Variants in RINL observed in about 807,000 individuals in gnomAD.
RINL encodes the protein ras and Rab interactor-like protein.
RINL carries 39 observed loss-of-function variants against 58.1 expected under a neutral mutation model. The ratio of observed to expected loss-of-function variants is 0.67; its 90% CI spans 0.52 to 0.88. RINL has a LOEUF of 0.88. Among genes scored for constraint, RINL ranks in the 40% least tolerant of loss-of-function variants. The probability of loss-of-function intolerance (pLI) is 0.00; values close to 1 mark genes in which losing one functional copy is unlikely to be tolerated. For synonymous variants in RINL, 286 were observed against 323.1 expected (o/e 0.89, Z 1.23); for missense variants, 711 against 749.2 (o/e 0.95, Z 0.60).
In RINL at chr19:38,868,927, G is replaced by C. The variant is rs1972729806; in HGVS notation, c.*177C>G. ...AAACTGCAAAGCCTCCTGAGTAGCT[G>C]GTACCACAGGAGTACGCCACCACGC... On this transcript the variant is annotated 3_prime_UTR_variant, in exon 12 of 12. Coordinates refer to ENST00000591812, the MANE Select transcript of RINL (RefSeq NM_001195833.2). 1.7e-6 allele frequency: 1 copy of C among 578,730 alleles called. No homozygotes were observed. The highest frequency in any genetic ancestry group is 3.0e-5 in the Admixed American group (1 of 32,814). The allele number at this position is 578,730 out of a possible 1,614,324, so 35.8% of individuals were successfully genotyped here. A position where few individuals can be genotyped will look rare whatever the true frequency, so the allele number is the denominator to read the frequency against.
At chr19:38,871,350 C>T in intron 6 of RINL, 123 bp from the exon 7 acceptor site, 2 of 1,110,768 alleles carry the variant, frequency 1.8e-6, no homozygotes, top group Non-Finnish European at 2.6e-6. Context: ...TAGCTCCTGG[C>T]CCCTCCTCAG....
At position 38,871,212 on chromosome 19, in the gene RINL, C is replaced by T. The variant is rs962923125; in HGVS notation, c.467G>A (p.Gly156Asp). ...RDEHTDPVQI[G>D]RVQQDTPGKV... ...CCCTGGGGTGTCCTGTTGGACCCTG[C>T]CGATCTGCACAGGATCTGGAGCCAG... Residue 156 changes from glycine to aspartate, a missense_variant, in exon 7 of 12, where the codon GGC (glycine) becomes GAC (aspartate). Physicochemically the swap from Gly to Asp is moderately conservative, Grantham distance 94. Transcript: ENST00000591812. 3.1e-6 allele frequency: 5 copies of T among 1,613,856 alleles called. No individual in the cohort carries two copies. Among genetic ancestry groups the T allele is most frequent in the Non-Finnish European group, 4.2e-6 (5 of 1,180,002 alleles).
Position 38,870,173 on chromosome 19 carries a change from G to A in RINL, c.1112C>T (p.Pro371Leu), listed in dbSNP as rs373342358. The change falls in exon 9 of 12, where the codon CCG becomes CTG. Residue 371 changes from proline to leucine, a missense_variant. Transcript: ENST00000591812. The surrounding 1 kb of genome is among the most constrained non-coding windows in gnomAD (Gnocchi z 5.8). ...LWTRLRTLRA[P>L]ELRRLRRRQT... ...TCGCCGCCGCAGCCGCCGCAGCTCC[G>A]GTGCTCGGAGTGTGCGGAGTCGTGT... 4 of 1,405,640 alleles carry A rather than the reference G, an allele frequency of 2.8e-6. No individual in the cohort carries two copies. Among genetic ancestry groups the A allele is most frequent in the African/African-American group, 1.5e-5 (1 of 65,812 alleles). 87.1% of individuals were successfully genotyped at this position (1,405,640 alleles called of 1,614,324 possible).
At chr19:38,873,693 T>G in intron 4 of RINL, 193 bp downstream of exon 4, 1 of 462,486 alleles carries the variant, frequency 2.2e-6, no homozygotes, top group Non-Finnish European at 4.0e-6. Context: ...GCCCGGCTAA[T>G]TTTTGTATTT....
In RINL at chr19:38,876,733, G is replaced by A; in HGVS notation, c.10C>T (p.Pro4Ser). 6.5e-6 allele frequency: 10 copies of A among 1,536,074 alleles called. No homozygotes were observed. The highest frequency in any genetic ancestry group is 7.8e-6 in the Non-Finnish European group (9 of 1,146,862). The change falls in exon 2 of 12, where the codon CCA becomes TCA. Residue 4 changes from proline to serine, a missense_variant. By Grantham distance (74) the Pro-to-Ser change is moderately conservative (BLOSUM62 -1). Transcript: ENST00000591812. ...GGGACTTCAGGTGCCTTGTCTTCTG[G>A]CTGGGCCATCGTCAGGTTGCAGGAA... MAQPEDKAPEVPTE... is the reference protein window; with the variant it reads MAQSEDKAPEVPTE...
intron 3 of RINL, 61 bp downstream of exon 3, chr19:38,876,270 T>C (rs1273460713): frequency 6.8e-7 from 1 of 1,466,794 alleles, no homozygotes; most frequent in Non-Finnish European, 9.1e-7. Flanking sequence ...TGTTTGTCAC[T>C]AGTAACCAGC....
At position 38,870,030 on chromosome 19, in the gene RINL, C is replaced by A. The variant is rs766744570; in HGVS notation, c.1255G>T (p.Ala419Ser). ...RIHERLAHLH[A>S]ACAPRRKVAL... ...ACCTTGCGGCGCGGGGCGCAGGCAG[C>A]GTGGAGGTGCGCAAGGCGCTCGTGG... is the stretch of plus-strand genomic sequence containing the variant. Residue 419 changes from alanine (A) to serine (S), a missense_variant, in exon 9 of 12, where the codon GCT becomes TCT. Physicochemically the swap from Ala to Ser is moderately conservative, Grantham distance 99. Coordinates refer to ENST00000591812, the MANE Select transcript of RINL (RefSeq NM_001195833.2). This position sits in a 1 kb window ranked among gnomAD's most constrained non-coding sequence, Gnocchi z 5.8. 1 of 1,563,524 alleles carries A rather than the reference C, an allele frequency of 6.4e-7. No homozygotes were observed. Among genetic ancestry groups the A allele is most frequent in the Non-Finnish European group, 8.6e-7 (1 of 1,158,240 alleles).
At position 38,876,411 on chromosome 19, in the gene RINL, G is replaced by A; in HGVS notation, c.130C>T (p.Gln44Ter). 1 of 1,536,116 alleles carries A rather than the reference G, an allele frequency of 6.5e-7. No homozygotes were observed. The highest frequency in any genetic ancestry group is 8.7e-7 in the Non-Finnish European group (1 of 1,146,874). ...ACATGCCACACCCCCCATGTCCTCT[G>A]CAGGCGAGTAAGTGGCTCTAGGGTG... ...LSTLEPLTRL[Q>*]RTWGVWHVPE... The change falls in exon 3 of 12, where the codon CAG becomes TAG. Residue 44 changes from glutamine (Q) to a stop codon, truncating the protein, a stop_gained. Coordinates refer to ENST00000591812, the MANE Select transcript of RINL (RefSeq NM_001195833.2). LOFTEE classifies it high-confidence loss of function.
rs61740709 is a variant in RINL at position 38,873,922 on chromosome 19, C to A, written c.277G>T (p.Glu93Ter). ...LVLRSGPLPGEVNTYQIQKIP... is the reference protein window; with the variant it reads ...LVLRSGPLPG ...TTCTGGATCTGGTAGGTATTGACTTCTCCTGGTAAAGGTCCTGACCTCAAC... is the reference window on the plus strand; with the variant it reads ...TTCTGGATCTGGTAGGTATTGACTTATCCTGGTAAAGGTCCTGACCTCAAC... Residue 93 changes from glutamate (E) to a stop codon, truncating the protein, a stop_gained, in exon 4 of 12, where the codon GAA becomes TAA. Coordinates refer to ENST00000591812, the MANE Select transcript of RINL (RefSeq NM_001195833.2). LOFTEE classifies it high-confidence loss of function. The A allele has an allele frequency of 1.3e-6, 2 of 1,535,924 alleles. No individual in the cohort carries two copies. The highest frequency in any genetic ancestry group is 1.7e-6 in the Non-Finnish European group (2 of 1,146,736).
chr19:38,877,290 T>C (rs1600098595), intron 1 of RINL, among the ~76,000 whole-genome samples: 1 of 152,070 alleles, frequency 6.6e-6, no homozygotes, highest in South Asian at 2.1e-4. Context: ...TGTCTTGCGG[T>C]GTGGGGAGAG....
rs1972852142 is a variant in RINL at position 38,873,290 on chromosome 19, G to A, written c.313+596C>T. Reference sequence around the variant, plus strand: ...TGTGTATGGGGCAGAGTGAATGAGGGGCAATAGATAGAGAGACAGGAAGGA... The same window carrying A: ...TGTGTATGGGGCAGAGTGAATGAGGAGCAATAGATAGAGAGACAGGAAGGA... On this transcript the variant is annotated intron_variant, in intron 4 of 11. Coordinates refer to ENST00000591812, the MANE Select transcript of RINL (RefSeq NM_001195833.2). Among the ~76,000 whole-genome samples the A allele has an allele frequency of 2.0e-5, 3 of 152,012 alleles. No individual in the cohort carries two copies. In the South Asian group the frequency reaches 6.2e-4, roughly 32 times the overall value.
intron 4 of RINL, among the ~76,000 whole-genome samples, chr19:38,873,077 GAAAA>G (rs1157866575): frequency 7.9e-5 from 12 of 151,854 alleles, no homozygotes; most frequent in African/African-American, 2.2e-4. Flanking sequence ...AAAGAAAAAA[GAAAA>G]AGAAAGTGAC....
intron 7 of RINL, 26 bp from the exon 8 acceptor site, chr19:38,871,018 G>T (rs8100220): frequency 6.3e-7 from 1 of 1,580,968 alleles, no homozygotes; most frequent in Non-Finnish European, 8.6e-7. Flanking sequence ...GCATTCGGTC[G>T]CCTAGAACAG....
Position 38,869,259 on chromosome 19 carries a change from A to G in RINL, c.1626T>C (p.His542=), listed in dbSNP as rs1972740894. The G allele has an allele frequency of 6.2e-7, 1 of 1,613,894 alleles. No homozygotes were observed. The highest frequency in any genetic ancestry group is 8.5e-7 in the Non-Finnish European group (1 of 1,180,000). Residue 542 remains histidine, a synonymous_variant, in exon 11 of 12, where the codon CAT becomes CAC. Transcript: ENST00000591812. This position sits in a 1 kb window ranked among gnomAD's most constrained non-coding sequence, Gnocchi z 5.7. ...GATGGGCAGTCACCTGGGCTCTGGG[A>G]TGATCCTTTCTGTGCAGCGTCCGCC... ...HRRRTLHRKD[H]PRAQANLPFK...
chr19:38,870,539 C>G lies in RINL; in HGVS notation c.1024+31G>C. On this transcript the variant is annotated intron_variant, in intron 8 of 11. Transcript: ENST00000591812. This position sits in a 1 kb window ranked among gnomAD's most constrained non-coding sequence, Gnocchi z 5.8. The stretch of plus-strand genomic sequence containing the variant: ...GAGGACGAAGTTGCACACTTGAACC[C>G]GTGGGGGCTCCCTTCCAGTCCTCCC... The G allele has an allele frequency of 6.6e-7, 1 of 1,524,634 alleles. No individual in the cohort carries two copies. Among genetic ancestry groups the G allele is most frequent in the Non-Finnish European group, 8.8e-7 (1 of 1,137,408 alleles). 94.4% of individuals were successfully genotyped at this position (1,524,634 alleles called of 1,614,324 possible).
chr19:38,869,798 GC>G lies in RINL; in HGVS notation c.1343-95del. 1 of 1,569,232 alleles carries G rather than the reference GC, an allele frequency of 6.4e-7. No individual in the cohort carries two copies. Among genetic ancestry groups the G allele is most frequent in the African/African-American group, 1.4e-5 (1 of 73,810 alleles). Reference sequence around the variant, plus strand: ...ATCCCCAGGACCACGAGGGCTGGCTGCCCCTCCACCTTGTCGGGCATGACAG... The same window carrying G: ...ATCCCCAGGACCACGAGGGCTGGCTGCCCTCCACCTTGTCGGGCATGACAG... On this transcript the variant is annotated intron_variant, in intron 9 of 11. Transcript: ENST00000591812. The surrounding 1 kb of genome is among the most constrained non-coding windows in gnomAD (Gnocchi z 5.7).
In RINL at chr19:38,870,534, G is replaced by T; in HGVS notation, c.1024+36C>A. The T allele has an allele frequency of 6.6e-7, 1 of 1,519,926 alleles. No individual in the cohort carries two copies. The highest frequency in any genetic ancestry group is 8.8e-7 in the Non-Finnish European group (1 of 1,135,200). 94.2% of individuals were successfully genotyped at this position (1,519,926 alleles called of 1,614,324 possible). On this transcript the variant is annotated intron_variant, in intron 8 of 11. Coordinates refer to ENST00000591812, the MANE Select transcript of RINL (RefSeq NM_001195833.2). The surrounding 1 kb of genome is among the most constrained non-coding windows in gnomAD (Gnocchi z 5.8). ...ATGGAGAGGACGAAGTTGCACACTT[G>T]AACCCGTGGGGGCTCCCTTCCAGTC...
chr19:38,874,097 C>T, intron 3 of RINL, 109 bp from the exon 4 acceptor site: 3 of 668,794 alleles, frequency 4.5e-6, no homozygotes. Context: ...CCCCAAATTT[C>T]CTTTAGGGAA....
Position 38,870,243 on chromosome 19 carries a change from C to A in RINL, c.1042G>T (p.Ala348Ser). Residue 348 changes from alanine (A) to serine (S), a missense_variant, in exon 9 of 12, where the codon GCG becomes TCG. Physicochemically the swap from Ala to Ser is moderately conservative, Grantham distance 99. Transcript: ENST00000591812. This position sits in a 1 kb window ranked among gnomAD's most constrained non-coding sequence, Gnocchi z 5.8. ...GGCGCCAGCACCGCCTGGCACACCGCCGTCTCCAGCGCGGGGCCTGCGGGG... is the reference window on the plus strand; with the variant it reads ...GGCGCCAGCACCGCCTGGCACACCGACGTCTCCAGCGCGGGGCCTGCGGGG... ...DEDPGPALET[A>S]VCQAVLAPLK... 1 of 1,384,784 alleles carries A rather than the reference C, an allele frequency of 7.2e-7. No individual in the cohort carries two copies. Among genetic ancestry groups the A allele is most frequent in the Non-Finnish European group, 9.3e-7 (1 of 1,077,150 alleles). 85.8% of individuals were successfully genotyped at this position (1,384,784 alleles called of 1,614,324 possible).
Sources: allele counts gnomAD v4.1 joint callset (sites outside exome capture counted in the v4.1 genomes callset), GRCh38; gene constraint gnomAD v4.1.1; non-coding constraint Gnocchi (gnomAD v3.1); transcripts MANE v1.5; gene names NCBI Gene and HGNC (gene_info 2026-07-23, HGNC 2026-07-21).